Variants in SAMMSON observed in about 807,000 individuals in gnomAD.
The protein encoded by SAMMSON is long intergenic non-protein coding RNA 1212.
At chr3:70,172,689 C>T (rs1351249856) in intron 4 of SAMMSON, 2 of 151,852 alleles carry the variant, frequency 1.3e-5, no homozygotes, top group Non-Finnish European at 2.9e-5. Context: ...CAGCATCTGT[C>T]CCTTATAGCG....
intron 1 of SAMMSON, chr3:69,999,979 C>T (rs1235047202): frequency 6.6e-6 from 1 of 152,252 alleles, no homozygotes; most frequent in Non-Finnish European, 1.5e-5. Context: ...TACTTCCACT[C>T]AATACAACTT....
intron 4 of SAMMSON, among the ~76,000 whole-genome samples, chr3:70,116,262 T>C (rs1452787062): frequency 6.6e-6 from 1 of 151,058 alleles, no homozygotes; most frequent in Non-Finnish European, 1.5e-5. Context: ...AATGACTTGT[T>C]TTCAAGTTTT....
chr3:70,358,383 G>A (rs575277040), intron 9 of SAMMSON: 11 of 152,102 alleles, frequency 7.2e-5, no homozygotes, highest in Non-Finnish European at 1.3e-4. Flanking sequence ...CAAAAGCTAT[G>A]ATTTAGTGCT....
chr3:70,284,566 C>G (rs765272280), intron 6 of SAMMSON, among the ~76,000 whole-genome samples: 5 of 152,116 alleles, frequency 3.3e-5, no homozygotes, highest in Non-Finnish European at 7.4e-5. Context: ...ACTATGCAGC[C>G]ATAAAAAAGA....
intron 2 of SAMMSON, among the ~76,000 whole-genome samples, chr3:70,410,735 G>A (rs528420095): frequency 6.2e-4 from 94 of 152,232 alleles, no homozygotes; most frequent in African/African-American, 2.0e-3. Context: ...ATGAACTTAA[G>A]AAATTATAAT....
At chr3:70,058,529 C>T (rs1371482669) in intron 3 of SAMMSON, among the ~76,000 whole-genome samples, 2 of 152,018 alleles carry the variant, frequency 1.3e-5, no homozygotes, top group African/African-American at 4.8e-5. Flanking sequence ...GTTCTAGTCT[C>T]AGTCCATAAA....
At chr3:70,323,110 T>G (rs1305621990) in intron 7 of SAMMSON, among the ~76,000 whole-genome samples, 1 of 152,036 alleles carries the variant, frequency 6.6e-6, no homozygotes, top group Non-Finnish European at 1.5e-5. Flanking sequence ...CTCAGATAAA[T>G]AAAAAGTACA....
chr3:70,210,829 T>C (rs191335257), intron 4 of SAMMSON, among the ~76,000 whole-genome samples: 283 of 152,128 alleles, frequency 1.9e-3, no homozygotes, highest in Middle Eastern at 3.4e-3. Flanking sequence ...TACAGGTAAT[T>C]GCAAGAACAA....
In SAMMSON at chr3:70,015,385, G is replaced by A. The variant is rs1179710476; in HGVS notation, n.417+1713G>A. 3 of 151,458 alleles carry A rather than the reference G, an allele frequency of 2.0e-5. No individual in the cohort carries two copies. In the East Asian group the frequency reaches 5.8e-4, roughly 29 times the overall value. 9.4% of individuals were successfully genotyped at this position (151,458 alleles called of 1,614,324 possible). ...CTGATTTTAAAAAAAGTACTGGATG[G>A]CCAGAAGTGCTGTTCTTTTTTTTTT... On this transcript the variant is annotated intron_variant and non_coding_transcript_variant, in intron 3 of 9. Transcript: ENST00000642114.
chr3:70,154,220 C>T (rs1404340076), intron 4 of SAMMSON, among the ~76,000 whole-genome samples: 3 of 152,000 alleles, frequency 2.0e-5, no homozygotes, highest in Non-Finnish European at 2.9e-5. Context: ...ATAATAATAG[C>T]AATACTATAT....
chr3:70,279,246 A>G (rs1310376829), intron 6 of SAMMSON, among the ~76,000 whole-genome samples: 1 of 151,962 alleles, frequency 6.6e-6, no homozygotes, highest in African/African-American at 2.4e-5. Flanking sequence ...AGTACATATT[A>G]TTATTTTCAT....
chr3:70,313,751 A>C lies in SAMMSON; in HGVS notation n.739+22508A>C, dbSNP rs148757245. ...TCATTTCTTTATGTACATTGCTCCC[A>C]CTATATAATCCTTAAAAACTACCTT... On this transcript the variant is annotated intron_variant and non_coding_transcript_variant, in intron 7 of 9. Transcript: ENST00000642114. Among the ~76,000 whole-genome samples the C allele has an allele frequency of 1.5e-3, 221 of 152,226 alleles. 1 individual carries two copies. Among genetic ancestry groups the C allele is most frequent in the African/African-American group, 5.2e-3 (215 of 41,554 alleles).
chr3:70,167,814 G>A (rs569924640), intron 4 of SAMMSON, among the ~76,000 whole-genome samples: 1 of 152,082 alleles, frequency 6.6e-6, no homozygotes, highest in African/African-American at 2.4e-5. Flanking sequence ...TACAGCGATA[G>A]GCTTCATAGT....
chr3:70,312,242 A>G (rs1207098659), intron 7 of SAMMSON, among the ~76,000 whole-genome samples: 1 of 152,222 alleles, frequency 6.6e-6, no homozygotes, highest in African/African-American at 2.4e-5. Flanking sequence ...TGAAAGAATA[A>G]CAGATTAACA....
At chr3:70,264,123 A>G (rs1352973571) in intron 6 of SAMMSON, among the ~76,000 whole-genome samples, 6 of 152,216 alleles carry the variant, frequency 3.9e-5, no homozygotes, top group African/African-American at 1.2e-4. Flanking sequence ...TTAAATGATT[A>G]CAAAATATAT....
intron 7 of SAMMSON, among the ~76,000 whole-genome samples, chr3:70,341,210 G>T (rs1484263267): frequency 6.6e-6 from 1 of 151,982 alleles, no homozygotes; most frequent in East Asian, 1.9e-4. Context: ...CCCTTCTTCA[G>T]CTTGGCCCTG....
intron 4 of SAMMSON, among the ~76,000 whole-genome samples, chr3:70,244,092 T>A (rs1260172899): frequency 6.6e-6 from 1 of 152,210 alleles, no homozygotes; most frequent in Non-Finnish European, 1.5e-5. Flanking sequence ...CTAACCTCCC[T>A]GCTCTTCGGT....
chr3:70,177,439 A>G (rs1701016509), intron 4 of SAMMSON, among the ~76,000 whole-genome samples: 1 of 152,244 alleles, frequency 6.6e-6, no homozygotes, highest in East Asian at 1.9e-4. Flanking sequence ...TAGTCAAATG[A>G]AAGGAGAGAG....
At chr3:70,420,179 C>G (rs778228152) in intron 2 of SAMMSON, among the ~76,000 whole-genome samples, 40 of 152,268 alleles carry the variant, frequency 2.6e-4, no homozygotes, top group Non-Finnish European at 5.6e-4. Flanking sequence ...TATTAGCTGT[C>G]TCACAGGTCC....
Sources: gnomAD v4.1 joint callset for allele counts (sites outside exome capture counted in the v4.1 genomes callset) on GRCh38, gnomAD v4.1.1 for gene constraint, MANE v1.5 for transcripts, NCBI Gene and HGNC (gene_info 2026-07-23, HGNC 2026-07-21) for gene names.